The following PRKCH variants were observed in gnomAD, a reference collection of about 807,000 sequenced individuals.
PRKCH encodes protein kinase C eta type.
Under a neutral mutation model 82.5 loss-of-function variants are expected in PRKCH, and 28 were observed. The observed-to-expected ratio is 0.34, with a 90% CI of 0.25 to 0.47. PRKCH has a LOEUF of 0.47. Ranked by LOEUF, PRKCH falls within the 20% of genes least tolerant of loss-of-function variation. The pLI is 1.00. For missense variants in PRKCH, 705 were observed against 881.8 expected (o/e 0.80, Z 2.54); for synonymous variants, 322 against 327.4 (o/e 0.98, Z 0.18).
chr14:61,547,609 G>T (rs1203119760), intron 12 of PRKCH, 134 bp from the exon 13 acceptor site: 2 of 1,151,642 alleles, frequency 1.7e-6, no homozygotes, highest in Admixed American at 2.3e-5. Context: ...GCCTGTGATG[G>T]AAAACCCAGC....
intron 9 of PRKCH, among the ~76,000 whole-genome samples, chr14:61,467,300 C>T (rs959728): frequency 0.72 from 109,895 of 152,162 alleles, 44,412 homozygotes; most frequent in Non-Finnish European, 0.89. Context: ...GTGTTCCTTA[C>T]TTCTGGACCT....
At chr14:61,412,252 AGAT>A (rs1390454608) in intron 2 of PRKCH, among the ~76,000 whole-genome samples, 3 of 152,254 alleles carry the variant, frequency 2.0e-5, no homozygotes, top group African/African-American at 4.8e-5. Context: ...TACAATTAGC[AGAT>A]AAGGACATTA....
rs768061708 is a variant in PRKCH at position 61,450,831 on chromosome 14, C to CT, written c.703-5dup. 5.0e-6 allele frequency: 8 copies of CT among 1,611,030 alleles called. No individual in the cohort carries two copies. The African/African-American group carries it at 8.0e-5, about 16-fold the overall frequency. ...ATTTTAGCTCTTGTCCCTTTATTTC[C>CT]TTTTTTACAGATTGCAGAACAGAGG... On this transcript the variant is annotated splice_polypyrimidine_tract_variant and intron_variant, in intron 5 of 13. Coordinates refer to ENST00000332981, the MANE Select transcript of PRKCH (RefSeq NM_006255.5).
chr14:61,489,445 T>TG (rs1266656142), intron 10 of PRKCH, among the ~76,000 whole-genome samples: 1 of 152,250 alleles, frequency 6.6e-6, no homozygotes. Context: ...CAAGAGGACA[T>TG]GGGCCAGTTA....
chr14:61,214,054 TATG>T, intron 1 of PRKCH, among the ~76,000 whole-genome samples: 1 of 152,182 alleles, frequency 6.6e-6, no homozygotes, highest in Admixed American at 6.5e-5. Flanking sequence ...CAGCATAGAA[TATG>T]ATGGTTGGCG....
intron 2 of PRKCH, 105 bp downstream of exon 2, chr14:61,391,393 T>A: frequency 4.9e-6 from 5 of 1,017,540 alleles, no homozygotes; most frequent in Non-Finnish European, 7.0e-6. Context: ...TTGTAAGAGA[T>A]GCTTAAAAAA....
chr14:61,404,192 T>C (rs1881815345), intron 2 of PRKCH, among the ~76,000 whole-genome samples: 1 of 152,192 alleles, frequency 6.6e-6, no homozygotes. Flanking sequence ...CTGAGAGTTG[T>C]GTTCTGGTCT....
At chr14:61,419,330 TCTC>T (rs1391252304) in intron 2 of PRKCH, among the ~76,000 whole-genome samples, 1 of 152,164 alleles carries the variant, frequency 6.6e-6, no homozygotes, top group Non-Finnish European at 1.5e-5. Context: ...CCAAATGAAA[TCTC>T]CTACAGAATC....
chr14:61,445,679 T>C lies in PRKCH; in HGVS notation c.579-13T>C. 6.2e-6 allele frequency: 10 copies of C among 1,606,672 alleles called. No homozygotes were observed. The highest frequency in any genetic ancestry group is 1.1e-5 in the South Asian group (1 of 90,900). Reference sequence around the variant, plus strand: ...AAATACTTGACTGATGGTAGTTTTCTTCTCTTCAACAGGGGAGTGTTTGGG... The same window carrying C: ...AAATACTTGACTGATGGTAGTTTTCCTCTCTTCAACAGGGGAGTGTTTGGG... On this transcript the variant is annotated splice_polypyrimidine_tract_variant and intron_variant, in intron 3 of 13. Coordinates refer to ENST00000332981, the MANE Select transcript of PRKCH (RefSeq NM_006255.5).
intron 1 of PRKCH, among the ~76,000 whole-genome samples, chr14:61,339,545 G>T (rs1486361344): frequency 2.1e-5 from 3 of 146,322 alleles, no homozygotes; most frequent in Admixed American, 6.8e-5. Context: ...GGATGGTCTC[G>T]ATCTCCTGAC....
intron 2 of PRKCH, among the ~76,000 whole-genome samples, chr14:61,427,773 A>G (rs1349684121): frequency 6.6e-6 from 1 of 151,962 alleles, no homozygotes; most frequent in Non-Finnish European, 1.5e-5. Flanking sequence ...TTTTGTAGAG[A>G]CAGGGTTTCA....
chr14:61,363,498 G>T (rs2046257508), intron 1 of PRKCH, among the ~76,000 whole-genome samples: 1 of 152,184 alleles, frequency 6.6e-6, no homozygotes, highest in Admixed American at 6.5e-5. Context: ...GAGTGGATGA[G>T]ATGGAAGAGA....
intron 1 of PRKCH, among the ~76,000 whole-genome samples, chr14:61,287,747 G>A (rs138458499): frequency 1.3e-5 from 2 of 152,076 alleles, no homozygotes; most frequent in Non-Finnish European, 2.9e-5. Context: ...AGACTGCCCA[G>A]TGTGGCCAGT....
At chr14:61,403,024 C>T (rs977904220) in intron 2 of PRKCH, among the ~76,000 whole-genome samples, 2 of 152,032 alleles carry the variant, frequency 1.3e-5, no homozygotes, top group Admixed American at 6.5e-5. Flanking sequence ...CTATCCCTCC[C>T]GCCTCCCCAC....
intron 9 of PRKCH, among the ~76,000 whole-genome samples, chr14:61,471,263 A>G (rs34736676): frequency 0.47 from 70,845 of 151,994 alleles, 20,001 homozygotes; most frequent in African/African-American, 0.79. Flanking sequence ...GACTTTTTAA[A>G]GAGGAGTGGC....
At chr14:61,494,555 A>T (rs1295122785) in intron 10 of PRKCH, among the ~76,000 whole-genome samples, 2 of 152,224 alleles carry the variant, frequency 1.3e-5, no homozygotes, top group Non-Finnish European at 2.9e-5. Context: ...GCCCATCTGT[A>T]CAGTGGAGGT....
intron 1 of PRKCH, among the ~76,000 whole-genome samples, chr14:61,329,240 T>TTCTTTTTTTC (rs1445176305): frequency 4.4e-5 from 5 of 112,514 alleles, no homozygotes; most frequent in African/African-American, 1.7e-4. Flanking sequence ...GAGTCTTTTT[T>TTCTTTTTTTC]TTTTTTTTTT....
At chr14:61,542,833 G>A (rs372556102) in intron 12 of PRKCH, among the ~76,000 whole-genome samples, 16 of 152,172 alleles carry the variant, frequency 1.1e-4, no homozygotes, top group African/African-American at 3.1e-4. Context: ...ACAGCGGTGG[G>A]AACAGAGTGT....
intron 1 of PRKCH, among the ~76,000 whole-genome samples, chr14:61,329,234 C>CTTTTTTCCTTT (rs2045747220): frequency 1.6e-5 from 1 of 63,462 alleles, no homozygotes; most frequent in Non-Finnish European, 2.7e-5. Flanking sequence ...ACTCCTGAGT[C>CTTTTTTCCTTT]TTTTTTTTTT....
Sources: gnomAD v4.1 joint callset for allele counts (sites outside exome capture counted in the v4.1 genomes callset) on GRCh38, gnomAD v4.1.1 for gene constraint, MANE v1.5 for transcripts, NCBI Gene and HGNC (gene_info 2026-07-23, HGNC 2026-07-21) for gene names.